Variants in IRAG1 observed in about 807,000 individuals in gnomAD.
IRAG1 encodes the protein IP3R-associated cGMP kinase substrate.
IRAG1 carries 62 observed loss-of-function variants against 106.2 expected under a neutral mutation model. The observed-to-expected ratio is 0.58, with a 90% CI of 0.48 to 0.72. The LOEUF is 0.72. Ranked by LOEUF, IRAG1 falls within the 30% of genes least tolerant of loss-of-function variation. IRAG1 has a pLI of 0.00. For synonymous variants in IRAG1, 462 were observed against 443.9 expected (o/e 1.04, Z -0.51); for missense variants, 1,064 against 1,140.7 (o/e 0.93, Z 0.97).
intron 1 of IRAG1, among the ~76,000 whole-genome samples, chr11:10,679,964 A>G (rs552943631): frequency 6.6e-6 from 1 of 152,240 alleles, no homozygotes; most frequent in South Asian, 2.1e-4. Context: ...GGAGTATCTC[A>G]AAGTGTCCTC....
chr11:10,600,931 G>T lies in IRAG1; in HGVS notation c.2004C>A (p.Ser668Arg). The change falls in exon 15 of 21, where the codon AGC (serine) becomes AGA (arginine). Residue 668 changes from serine (S) to arginine (R), a missense_variant. Physicochemically the swap from Ser to Arg is moderately radical, Grantham distance 110 (BLOSUM62 -1). Transcript: ENST00000423302. ...CTAGGTCCTTACCAGAGGGGCCACA[G>T]CTGCGGCTTGAATTCTGATTTGCAA... is the stretch of plus-strand genomic sequence containing the variant. ...KKLANQNSSR[S>R]CGPSEDGVPR... 1 of 1,614,076 alleles carries T rather than the reference G, an allele frequency of 6.2e-7. No homozygotes were observed. The highest frequency in any genetic ancestry group is 8.5e-7 in the Non-Finnish European group (1 of 1,179,902).
intron 15 of IRAG1, among the ~76,000 whole-genome samples, chr11:10,596,609 G>C (rs1853340863): frequency 6.6e-6 from 1 of 152,074 alleles, no homozygotes. Context: ...TCCCCTTAAG[G>C]ATGGCCTAAT....
chr11:10,626,424 T>C lies in IRAG1; in HGVS notation c.910A>G (p.Lys304Glu), dbSNP rs761931408. ...CTGTTTGTAACAGGAGCTAGGCCTT[T>C]GGGTGTGGTCTCGGGGTACTGGAGG... ...DPLQYPETTPKGLAPVTNSSG... is the reference protein window; with the variant it reads ...DPLQYPETTPEGLAPVTNSSG... Residue 304 changes from lysine to glutamate, a missense_variant, in exon 9 of 21, where the codon AAA (lysine) becomes GAA (glutamate). Transcript: ENST00000423302. 1.2e-5 allele frequency: 19 copies of C among 1,613,848 alleles called. No individual in the cohort carries two copies. Among genetic ancestry groups the C allele is most frequent in the Non-Finnish European group, 1.6e-5 (19 of 1,179,870 alleles).
chr11:10,652,179 C>T lies in IRAG1; in HGVS notation c.71G>A (p.Cys24Tyr), dbSNP rs746945329. The change falls in exon 2 of 21, where the codon TGT becomes TAT. Residue 24 changes from cysteine (C) to tyrosine (Y), a missense_variant. Coordinates refer to ENST00000423302, the MANE Select transcript of IRAG1 (RefSeq NM_130385.4). ...GGKENNSVLA[C>Y]GAQASWSIFG... ...GATGCTCCAAGAGGCCTGGGCTCCACAGGCTGGGGAGATGCCAAAAGGACA... is the reference window on the plus strand; with the variant it reads ...GATGCTCCAAGAGGCCTGGGCTCCATAGGCTGGGGAGATGCCAAAAGGACA... The T allele has an allele frequency of 4.5e-5, 72 of 1,613,728 alleles. No homozygotes were observed. The highest frequency in any genetic ancestry group is 5.7e-5 in the Non-Finnish European group (67 of 1,179,856).
At chr11:10,619,286 T>A (rs1855661028) in intron 10 of IRAG1, among the ~76,000 whole-genome samples, 1 of 152,170 alleles carries the variant, frequency 6.6e-6, no homozygotes, top group Non-Finnish European at 1.5e-5. Context: ...TTCTTCAGAC[T>A]CCAGAATGTT....
Position 10,596,261 on chromosome 11 carries a change from C to T in IRAG1, c.2018-2066G>A, listed in dbSNP as rs144281438. On this transcript the variant is annotated intron_variant, in intron 15 of 20. Coordinates refer to ENST00000423302, the MANE Select transcript of IRAG1 (RefSeq NM_130385.4). ...AGAGGTAAACTTTCTCAATTGTCTC[C>T]AAATAGTCTTTACCAAGCCCTCAAT... Among the ~76,000 whole-genome samples, 3 of 152,270 alleles carry T rather than the reference C, an allele frequency of 2.0e-5. No homozygotes were observed. The East Asian group carries it at 5.8e-4, about 29-fold the overall frequency.
intron 1 of IRAG1, among the ~76,000 whole-genome samples, chr11:10,675,776 G>A (rs1343175393): frequency 2.0e-5 from 3 of 152,092 alleles, no homozygotes; most frequent in South Asian, 2.1e-4. Context: ...CTTATTCAGC[G>A]CCTTCCTAAG....
rs2134967250 is a variant in IRAG1, at chr11:10,657,309, T to G, written c.68-5127A>C. Among the ~76,000 whole-genome samples, 1 of 152,236 alleles carries G rather than the reference T, an allele frequency of 6.6e-6. No individual in the cohort carries two copies. The highest frequency in any genetic ancestry group is 1.5e-5 in the Non-Finnish European group (1 of 68,014). ...CGCTCATGAATGGCAGTGCTGGGAA[T>G]TCACCGAATCTGGGTCTGATGCTCC... On this transcript the variant is annotated intron_variant, in intron 1 of 20. Coordinates refer to ENST00000423302, the MANE Select transcript of IRAG1 (RefSeq NM_130385.4). The surrounding 1 kb of genome is among the most constrained non-coding windows in gnomAD (Gnocchi z 4.1).
At chr11:10,577,806 C>T (rs1471862648) in intron 20 of IRAG1, among the ~76,000 whole-genome samples, 3 of 152,166 alleles carry the variant, frequency 2.0e-5, no homozygotes, top group Non-Finnish European at 2.9e-5. Flanking sequence ...GACAGGTTTC[C>T]GTTCCATGCG....
rs200833508 is a variant in IRAG1, at chr11:10,588,647, C to T, written c.2240+2901G>A. Among the ~76,000 whole-genome samples, 5 of 152,316 alleles carry T rather than the reference C, an allele frequency of 3.3e-5. No individual in the cohort carries two copies. The East Asian group carries it at 7.7e-4, about 24-fold the overall frequency. Reference sequence around the variant, plus strand: ...GTTACAGGCGTGAGCCACTGCCCAGCCAAGGGGAATCATTTTCTAAGCTCT... The same window carrying T: ...GTTACAGGCGTGAGCCACTGCCCAGTCAAGGGGAATCATTTTCTAAGCTCT... On this transcript the variant is annotated intron_variant, in intron 18 of 20. Transcript: ENST00000423302.
chr11:10,639,455 G>C (rs890335131), intron 2 of IRAG1, among the ~76,000 whole-genome samples: 1 of 152,198 alleles, frequency 6.6e-6, no homozygotes, highest in Non-Finnish European at 1.5e-5. Flanking sequence ...GATCCACGTG[G>C]CGCAGACTCT....
intron 11 of IRAG1, among the ~76,000 whole-genome samples, chr11:10,608,458 TG>T (rs1018314251): frequency 2.0e-5 from 3 of 149,814 alleles, no homozygotes; most frequent in African/African-American, 7.4e-5. Flanking sequence ...AAAAAAAAAG[TG>T]GGGGTCTGGG....
intron 2 of IRAG1, among the ~76,000 whole-genome samples, chr11:10,642,148 C>G (rs1034648943): frequency 2.0e-5 from 3 of 152,216 alleles, no homozygotes; most frequent in African/African-American, 7.2e-5. Flanking sequence ...TCCATGGGCC[C>G]AGCCTCCCTG....
chr11:10,666,617 T>C (rs976235573), intron 1 of IRAG1, among the ~76,000 whole-genome samples: 1 of 152,242 alleles, frequency 6.6e-6, no homozygotes, highest in Admixed American at 6.5e-5. Flanking sequence ...CAGTTTGTTA[T>C]ACATGCAATA....
chr11:10,594,376 G>T lies in IRAG1; in HGVS notation c.2018-181C>A, dbSNP rs116506633. On this transcript the variant is annotated intron_variant, in intron 15 of 20. Coordinates refer to ENST00000423302, the MANE Select transcript of IRAG1 (RefSeq NM_130385.4). ...ATCCTTTGAGATGGGGCTGCAGAGTGGGGGCTTTTTTTGGACAAAACCTTT... is the reference window on the plus strand; with the variant it reads ...ATCCTTTGAGATGGGGCTGCAGAGTTGGGGCTTTTTTTGGACAAAACCTTT... The T allele has an allele frequency of 1.4e-5, 8 of 573,452 alleles. No individual in the cohort carries two copies. In the African/African-American group the frequency reaches 1.5e-4, roughly 11 times the overall value. The allele number at this position is 573,452 out of a possible 1,614,324, so 35.5% of individuals were successfully genotyped here.
intron 1 of IRAG1, among the ~76,000 whole-genome samples, chr11:10,653,385 T>C (rs532264607): frequency 6.6e-6 from 1 of 152,320 alleles, no homozygotes; most frequent in Admixed American, 6.5e-5. Context: ...GGGTTTTTGT[T>C]CCTTGTAACT....
chr11:10,647,697 C>T lies in IRAG1; in HGVS notation c.225+4328G>A, dbSNP rs545088838. Among the ~76,000 whole-genome samples the T allele has an allele frequency of 2.6e-5, 4 of 152,218 alleles. No homozygotes were observed. In the South Asian group the frequency reaches 8.3e-4, roughly 32 times the overall value. Reference sequence around the variant, plus strand: ...TGCACTGTCTGGGTGAGTCAGCTTCCTACTGTGGCTGCTGGTCACAGTCCA... The same window carrying T: ...TGCACTGTCTGGGTGAGTCAGCTTCTTACTGTGGCTGCTGGTCACAGTCCA... On this transcript the variant is annotated intron_variant, in intron 2 of 20. Coordinates refer to ENST00000423302, the MANE Select transcript of IRAG1 (RefSeq NM_130385.4). The surrounding 1 kb of genome is among the most constrained non-coding windows in gnomAD (Gnocchi z 4.3).
chr11:10,650,826 C>T (rs1393624161), intron 2 of IRAG1, among the ~76,000 whole-genome samples: 1 of 152,196 alleles, frequency 6.6e-6, no homozygotes, highest in Non-Finnish European at 1.5e-5. Flanking sequence ...CCCCTCACCC[C>T]TAAGGCTGCC....
chr11:10,632,072 G>A lies in IRAG1; in HGVS notation c.330-11C>T, dbSNP rs764772082. On this transcript the variant is annotated splice_polypyrimidine_tract_variant and intron_variant, in intron 3 of 20. Transcript: ENST00000423302. ...TGGGGACTGTGAACTCTGAAAGACA[G>A]AACAGTCATCTTGTTCAGAAAATCA... 6.2e-7 allele frequency: 1 copy of A among 1,607,628 alleles called. No individual in the cohort carries two copies. The highest frequency in any genetic ancestry group is 1.7e-5 in the Admixed American group (1 of 60,004).
Sources: allele counts gnomAD v4.1 joint callset (sites outside exome capture counted in the v4.1 genomes callset), GRCh38; gene constraint gnomAD v4.1.1; non-coding constraint Gnocchi (gnomAD v3.1); transcripts MANE v1.5; gene names NCBI Gene and HGNC (gene_info 2026-07-23, HGNC 2026-07-21).